IFI27: variants seen among roughly 807,000 people sequenced by gnomAD.
IFI27 encodes the protein interferon alpha inducible protein 27, also known as interferon alpha-inducible protein 27, mitochondrial.
Under a neutral mutation model 8.9 loss-of-function variants are expected in IFI27, and 3 were observed. That is an observed-to-expected ratio of 0.34 (90% CI 0.15 to 0.87). The LOEUF (loss-of-function observed/expected upper bound fraction) is 0.87, where lower values mean the gene tolerates loss of function less well. Among genes scored for constraint, IFI27 ranks in the 40% least tolerant of loss-of-function variants. The pLI is 0.51. For missense variants in IFI27, 152 were observed against 157.7 expected (o/e 0.96, Z 0.19); for synonymous variants, 66 against 67.3 (o/e 0.98, Z 0.09).
In IFI27 at chr14:94,116,270, C is replaced by T. The variant is rs1045058492; in HGVS notation, c.284-172C>T. 2.9e-5 allele frequency: 19 copies of T among 645,944 alleles called. No homozygotes were observed. In the East Asian group the frequency reaches 4.9e-4, roughly 17 times the overall value. 40.0% of individuals were successfully genotyped at this position (645,944 alleles called of 1,614,324 possible). ...CATGGGGGTTCATGCCTGCAGCAGC[C>T]TCTCCCCAAACAAAGACCCCGAGGG... On this transcript the variant is annotated intron_variant, in intron 4 of 4. Transcript: ENST00000621160. This position sits in a 1 kb window ranked among gnomAD's most constrained non-coding sequence, Gnocchi z 4.3.
chr14:94,116,339 C>T lies in IFI27; in HGVS notation c.284-103C>T. On this transcript the variant is annotated intron_variant, in intron 4 of 4. Coordinates refer to ENST00000621160, the Ensembl canonical transcript of IFI27. This position sits in a 1 kb window ranked among gnomAD's most constrained non-coding sequence, Gnocchi z 4.3. ...GGAACTGGGTGGGGTCTGTAAGCCT[C>T]AGCCCCTGCTGAGGGTCACTGGAGT... 1 of 802,232 alleles carries T rather than the reference C, an allele frequency of 1.2e-6. No individual in the cohort carries two copies. The allele number at this position is 802,232 out of a possible 1,614,324, so 49.7% of individuals were successfully genotyped here. A position where few individuals can be genotyped will look rare whatever the true frequency, so the allele number is the denominator to read the frequency against.
At chr14:94,109,896 CTG>C (rs1348278246), upstream of IFI27, among the ~76,000 whole-genome samples, 13 of 152,346 alleles carry the variant, frequency 8.5e-5, no homozygotes, top group Admixed American at 5.2e-4. Flanking sequence ...GTGAGCCTGA[CTG>C]TGTCATTTCT....
chr14:94,116,385 C>T lies in IFI27; in HGVS notation c.284-57C>T, dbSNP rs1425381527. ...GGAGTCTCTGACCCCACAGTCCTGC[C>T]CACAGAGCTTCCCCGACAGGCATGT... On this transcript the variant is annotated intron_variant, in intron 4 of 4. Transcript: ENST00000621160. This position sits in a 1 kb window ranked among gnomAD's most constrained non-coding sequence, Gnocchi z 4.3. The T allele has an allele frequency of 8.7e-6, 11 of 1,267,570 alleles. No individual in the cohort carries two copies. Among genetic ancestry groups the T allele is most frequent in the Non-Finnish European group, 1.3e-5 (11 of 879,152 alleles). 78.5% of individuals were successfully genotyped at this position (1,267,570 alleles called of 1,614,324 possible).
At chr14:94,108,175 T>C (rs1887038228), upstream of IFI27, among the ~76,000 whole-genome samples, 1 of 152,244 alleles carries the variant, frequency 6.6e-6, no homozygotes. Context: ...AACTCATCTT[T>C]TTTTATGGCT....
In IFI27 at chr14:94,115,881, G is replaced by A. The variant is rs145532883; in HGVS notation, c.222G>A (p.Ala74=). ...TAGCAGCCAAGATGATGTCCGCGGC[G>A]GCCATTGCCAATGGGGGTGGAGTTG... is the stretch of plus-strand genomic sequence containing the variant. Residue 74 remains alanine (A), a synonymous_variant, in exon 4 of 5, where the codon GCG becomes GCA. Coordinates refer to ENST00000621160, the Ensembl canonical transcript of IFI27. The A allele has an allele frequency of 2.0e-5, 32 of 1,599,576 alleles. No homozygotes were observed. In the African/African-American group the frequency reaches 2.1e-4, roughly 11 times the overall value.
At chr14:94,115,506 G>T (rs549416555) in intron 3 of IFI27, 18 of 606,938 alleles carry the variant, frequency 3.0e-5, no homozygotes, top group Non-Finnish European at 4.7e-5. Flanking sequence ...AGACACTGAG[G>T]CTCTGAGGAC....
chr14:94,114,531 T>C, intron 2 of IFI27: 1 of 398,248 alleles, frequency 2.5e-6, no homozygotes, highest in East Asian at 4.1e-5. Flanking sequence ...ATTCTGCTTT[T>C]TGTTTGAGCT....
At chr14:94,110,444 T>G (rs1188240524), upstream of IFI27, among the ~76,000 whole-genome samples, 1 of 152,246 alleles carries the variant, frequency 6.6e-6, no homozygotes, top group African/African-American at 2.4e-5. Context: ...TTTATCATTT[T>G]ATTATAGAAC....
At chr14:94,114,813 G>T in intron 2 of IFI27, 38 bp from the exon 3 acceptor site, 1 of 1,612,968 alleles carries the variant, frequency 6.2e-7, no homozygotes, top group East Asian at 2.2e-5. Context: ...GGGGAAGCCA[G>T]TGTGGATCTA....
At chr14:94,109,293 A>T (rs1345929231), upstream of IFI27, among the ~76,000 whole-genome samples, 3 of 144,610 alleles carry the variant, frequency 2.1e-5, no homozygotes, top group Admixed American at 6.9e-5. Context: ...CAAGAGCAAA[A>T]CTCCATAAAA....
In IFI27 at chr14:94,111,937, A is replaced by AGG; in HGVS notation, c.91+168_91+169dup. The AGG allele has an allele frequency of 1.5e-6, 1 of 666,978 alleles. No homozygotes were observed. The highest frequency in any genetic ancestry group is 2.7e-6 in the Non-Finnish European group (1 of 371,678). 41.3% of individuals were successfully genotyped at this position (666,978 alleles called of 1,614,324 possible). On this transcript the variant is annotated intron_variant, in intron 2 of 4. Transcript: ENST00000621160. This position sits in a 1 kb window ranked among gnomAD's most constrained non-coding sequence, Gnocchi z 4.3. Reference sequence around the variant, plus strand: ...CGTCCACCCTAACTTTCCATCTGGGAGGGGGCCCGGGGCAGGCAGACTCTG... The same window carrying AGG: ...CGTCCACCCTAACTTTCCATCTGGGAGGGGGGGCCCGGGGCAGGCAGACTCTG...
chr14:94,111,700 C>A lies in IFI27; in HGVS notation c.18C>A (p.Leu6=), dbSNP rs769055213. ...GAGCAGGCATGGAGGCCTCTGCTCT[C>A]ACCTCATCAGCAGTGACCAGTGTGG... is the stretch of plus-strand genomic sequence containing the variant. The change falls in exon 2 of 5, where the codon CTC becomes CTA. Residue 6 remains leucine (L), a synonymous_variant. Coordinates refer to ENST00000621160, the Ensembl canonical transcript of IFI27. This position sits in a 1 kb window ranked among gnomAD's most constrained non-coding sequence, Gnocchi z 4.3. 2 of 1,614,026 alleles carry A rather than the reference C, an allele frequency of 1.2e-6. No homozygotes were observed. Among genetic ancestry groups the A allele is most frequent in the East Asian group, 4.5e-5 (2 of 44,898 alleles).
At position 94,116,583 on chromosome 14, in the gene IFI27, G is replaced by A; in HGVS notation, c.*56G>A. Reference sequence around the variant, plus strand: ...ACCATGCCAGGGGAGAAGGCACCCAGCCATCCTGACCCAGCGAGGAGCCAA... The same window carrying A: ...ACCATGCCAGGGGAGAAGGCACCCAACCATCCTGACCCAGCGAGGAGCCAA... On this transcript the variant is annotated 3_prime_UTR_variant, in exon 5 of 5. Transcript: ENST00000621160. This position sits in a 1 kb window ranked among gnomAD's most constrained non-coding sequence, Gnocchi z 4.3. 1 of 1,406,072 alleles carries A rather than the reference G, an allele frequency of 7.1e-7. No individual in the cohort carries two copies. The allele number at this position is 1,406,072 out of a possible 1,614,324, so 87.1% of individuals were successfully genotyped here.
At chr14:94,110,315 C>G (rs1887128185), upstream of IFI27, among the ~76,000 whole-genome samples, 1 of 152,186 alleles carries the variant, frequency 6.6e-6, no homozygotes, top group South Asian at 2.1e-4. Flanking sequence ...TGTCCCAGTG[C>G]CTAGTCAGTA....
At chr14:94,115,419 TC>T in intron 3 of IFI27, 2 of 560,720 alleles carry the variant, frequency 3.6e-6, no homozygotes, top group Non-Finnish European at 6.7e-6. Context: ...CAACATCTGC[TC>T]CCCTAATGAG....
intron 2 of IFI27, chr14:94,113,683 T>C (rs993565608): frequency 6.6e-6 from 1 of 152,166 alleles, no homozygotes; most frequent in East Asian, 1.9e-4. Context: ...GGCTTTTGTG[T>C]GTCAGGGTGC....
upstream of IFI27, among the ~76,000 whole-genome samples, chr14:94,106,729 C>T (rs967620634): frequency 1.3e-5 from 2 of 152,130 alleles, no homozygotes; most frequent in African/African-American, 2.4e-5. Context: ...GGTATCTGCT[C>T]GGCTTCTGGT....
chr14:94,107,295 T>G (rs1887029641), upstream of IFI27, among the ~76,000 whole-genome samples: 1 of 152,228 alleles, frequency 6.6e-6, no homozygotes, highest in Admixed American at 6.5e-5. Context: ...GGTCTTGAAC[T>G]CCTGACCTCA....
In IFI27 at chr14:94,110,847, TTGGGTGGGCTG is replaced by T. The variant is rs531639994; in HGVS notation, c.-59+55_-59+65del. 48 of 153,978 alleles carry T rather than the reference TTGGGTGGGCTG, an allele frequency of 3.1e-4. No individual in the cohort carries two copies. In the South Asian group the frequency reaches 9.0e-3, roughly 29 times the overall value. 9.5% of individuals were successfully genotyped at this position (153,978 alleles called of 1,614,324 possible). On this transcript the variant is annotated intron_variant, in intron 1 of 4. Transcript: ENST00000621160. The stretch of plus-strand genomic sequence containing the variant: ...GCTACCCTTCCCGTGGCCCCGGACC[TTGGGTGGGCTG>T]TGGGCTCAGGGAGCGGAGGGGAGGC...
Sources: gnomAD v4.1 joint callset for allele counts (sites outside exome capture counted in the v4.1 genomes callset) on GRCh38, gnomAD v4.1.1 for gene constraint, Gnocchi (gnomAD v3.1) non-coding constraint, MANE v1.5 for transcripts, NCBI Gene and HGNC (gene_info 2026-07-23, HGNC 2026-07-21) for gene names.